The following CPLANE1 variants were observed in gnomAD, a reference collection of about 807,000 sequenced individuals.
The protein encoded by CPLANE1 is ciliogenesis and planar polarity effector complex subunit 1, also known as ciliogenesis and planar polarity effector 1.
A neutral mutation model predicts 362.5 loss-of-function variants in CPLANE1; 263 were observed. The ratio of observed to expected loss-of-function variants is 0.73; its 90% CI spans 0.66 to 0.80. The LOEUF is 0.80. CPLANE1 is among the 30% of genes least tolerant of loss of function. CPLANE1 has a pLI of 0.00. For missense variants in CPLANE1, 3,461 were observed against 3,793.4 expected (o/e 0.91, Z 2.30); for synonymous variants, 1,212 against 1,302.6 (o/e 0.93, Z 1.50).
intron 43 of CPLANE1, among the ~76,000 whole-genome samples, chr5:37,145,360 C>A (rs548243667): frequency 6.6e-6 from 1 of 151,998 alleles, no homozygotes; most frequent in African/African-American, 2.4e-5. Context: ...AACAAATCAG[C>A]GCTAAAAAGG....
chr5:37,156,864 A>C (rs77608438), intron 41 of CPLANE1, among the ~76,000 whole-genome samples: 1 of 152,038 alleles, frequency 6.6e-6, no homozygotes, highest in Non-Finnish European at 1.5e-5. Context: ...GATGCGTCCA[A>C]TCATACCTCA....
At chr5:37,152,275 C>T (rs1359373263) in intron 42 of CPLANE1, among the ~76,000 whole-genome samples, 2 of 152,044 alleles carry the variant, frequency 1.3e-5, no homozygotes, top group Admixed American at 6.6e-5. Context: ...CTCGTGAGCG[C>T]AAGTGATCCT....
At chr5:37,168,175 TG>T (rs1778807627) in intron 34 of CPLANE1, among the ~76,000 whole-genome samples, 1 of 152,230 alleles carries the variant, frequency 6.6e-6, no homozygotes, top group African/African-American at 2.4e-5. Context: ...AAAGAGGACT[TG>T]GTGGGTTTAT....
At chr5:37,144,618 G>A (rs983452259) in intron 43 of CPLANE1, among the ~76,000 whole-genome samples, 8 of 151,822 alleles carry the variant, frequency 5.3e-5, no homozygotes, top group African/African-American at 1.7e-4. Flanking sequence ...TTGGGAGGCC[G>A]AGGCAGGCGG....
intron 15 of CPLANE1, among the ~76,000 whole-genome samples, chr5:37,214,662 A>G (rs532199487): frequency 1.3e-5 from 2 of 152,248 alleles, no homozygotes; most frequent in Admixed American, 1.3e-4. Flanking sequence ...TGAGGAGTTC[A>G]AGTGTTGCAA....
At chr5:37,241,129 C>CT (rs1451644198) in intron 6 of CPLANE1, among the ~76,000 whole-genome samples, 1 of 151,218 alleles carries the variant, frequency 6.6e-6, no homozygotes, top group Non-Finnish European at 1.5e-5. Flanking sequence ...GAGTGAGACT[C>CT]TGTCTCAAAA....
At chr5:37,158,484 TATAA>T (rs1266213889) in intron 38 of CPLANE1, 139 bp from the exon 39 acceptor site, 20 of 725,722 alleles carry the variant, frequency 2.8e-5, no homozygotes, top group Non-Finnish European at 4.3e-5. Context: ...GTGACATGGG[TATAA>T]ATAATTAAAG....
chr5:37,227,814 T>C lies in CPLANE1; in HGVS notation c.1125A>G (p.Pro375=), dbSNP rs61745362. 2.6e-3 allele frequency: 4,032 copies of C among 1,549,232 alleles called. 85 individuals are homozygous for C. The African/African-American group carries it at 0.048, about 19-fold the overall frequency. ...TTGAATCTTGAAACGTAAACTGCTG[T>C]GGTCTAGTAAACAAACATCAAAATA... ...IPLHPLITYR[P]QQFTFQDSNN... The change falls in exon 10 of 53, where the codon CCA becomes CCG. Residue 375 remains proline, a synonymous_variant. Transcript: ENST00000651892.
intron 43 of CPLANE1, among the ~76,000 whole-genome samples, chr5:37,146,212 T>G (rs1397992079): frequency 1.3e-5 from 2 of 151,870 alleles, no homozygotes; most frequent in South Asian, 4.2e-4. Context: ...GGAGTCTCGC[T>G]CTGTTGCCCA....
chr5:37,173,647 G>C (rs1248416485), intron 32 of CPLANE1, 108 bp downstream of exon 32: 2 of 932,060 alleles, frequency 2.1e-6, no homozygotes, highest in African/African-American at 1.7e-5. Flanking sequence ...GCAGAGAAAT[G>C]CTTGTGATAT....
intron 8 of CPLANE1, among the ~76,000 whole-genome samples, chr5:37,236,170 T>C (rs1193174468): frequency 1.3e-5 from 2 of 152,136 alleles, no homozygotes; most frequent in Non-Finnish European, 2.9e-5. Context: ...CCTACTAATT[T>C]CAAATTATAC....
intron 5 of CPLANE1, among the ~76,000 whole-genome samples, chr5:37,243,343 C>G (rs1351648287): frequency 6.6e-6 from 1 of 152,008 alleles, no homozygotes; most frequent in Non-Finnish European, 1.5e-5. Flanking sequence ...TAAGAAAATA[C>G]TGACATTGAC....
chr5:37,111,806 T>C (rs752990666), intron 51 of CPLANE1, among the ~76,000 whole-genome samples: 1 of 151,970 alleles, frequency 6.6e-6, no homozygotes, highest in Non-Finnish European at 1.5e-5. Flanking sequence ...TCAGTAAATA[T>C]TAATAAGGAA....
the CPLANE1 span, among the ~76,000 whole-genome samples, chr5:37,084,195 G>A: frequency 6.6e-5 from 10 of 152,256 alleles, no homozygotes; most frequent in East Asian, 7.7e-4. Flanking sequence ...CATATATGAA[G>A]GAAAGATAGT....
chr5:37,216,846 CAT>C (rs1409665962), intron 15 of CPLANE1, among the ~76,000 whole-genome samples: 1 of 152,146 alleles, frequency 6.6e-6, no homozygotes, highest in African/African-American at 2.4e-5. Context: ...TGATCTGACA[CAT>C]ATTCATGGGA....
At chr5:37,207,099 C>T (rs572877474) in intron 16 of CPLANE1, among the ~76,000 whole-genome samples, 1 of 152,202 alleles carries the variant, frequency 6.6e-6, no homozygotes, top group South Asian at 2.1e-4. Flanking sequence ...AATATCGTTC[C>T]CCCTGGCCTT....
intron 30 of CPLANE1, among the ~76,000 whole-genome samples, chr5:37,177,268 A>G (rs1196477904): frequency 6.6e-6 from 1 of 152,208 alleles, no homozygotes; most frequent in Non-Finnish European, 1.5e-5. Context: ...CATACATAAA[A>G]TAATTTATAA....
At chr5:37,129,809 T>C (rs181741614) in intron 46 of CPLANE1, among the ~76,000 whole-genome samples, 294 of 152,276 alleles carry the variant, frequency 1.9e-3, no homozygotes, top group African/African-American at 6.8e-3. Context: ...TGTAAACTAG[T>C]ACAACCACTA....
At chr5:37,114,848 G>A (rs1054544857) in intron 51 of CPLANE1, 112 bp downstream of exon 51, 36 of 623,320 alleles carry the variant, frequency 5.8e-5, no homozygotes, top group African/African-American at 4.5e-4. Flanking sequence ...ACAGTGAGCC[G>A]ACATTGCACC....
Sources: gnomAD v4.1 joint callset for allele counts (sites outside exome capture counted in the v4.1 genomes callset) on GRCh38, gnomAD v4.1.1 for gene constraint, MANE v1.5 for transcripts, NCBI Gene and HGNC (gene_info 2026-07-23, HGNC 2026-07-21) for gene names.